CHAT: variants seen among roughly 807,000 people sequenced by gnomAD.
CHAT encodes the protein choline O-acetyltransferase, also known as acetyl CoA:choline O-acetyltransferase.
In CHAT, 61 loss-of-function variants were observed where a neutral mutation model predicts 76.9. That is an observed-to-expected ratio of 0.79 (90% CI 0.65 to 0.98). The LOEUF (loss-of-function observed/expected upper bound fraction) is 0.98, where lower values mean the gene tolerates loss of function less well. CHAT is among the 50% of genes least tolerant of loss of function. The pLI is 0.00. For missense variants in CHAT, 946 were observed against 986.9 expected (o/e 0.96, Z 0.56); for synonymous variants, 407 against 397.4 (o/e 1.02, Z -0.29).
intron 13 of CHAT, among the ~76,000 whole-genome samples, chr10:49,657,803 G>C (rs1025838214): frequency 3.9e-5 from 6 of 152,160 alleles, no homozygotes; most frequent in African/African-American, 1.4e-4. Flanking sequence ...AGAAACTGAT[G>C]GTTGGGGCCC....
In CHAT at chr10:49,667,680, T is replaced by C. The variant is rs1396486163; in HGVS notation, c.*2634T>C. Among the ~76,000 whole-genome samples the C allele has an allele frequency of 6.6e-6, 1 of 152,230 alleles. No individual in the cohort carries two copies. Among genetic ancestry groups the C allele is most frequent in the African/African-American group, 2.4e-5 (1 of 41,466 alleles). On this transcript the variant is annotated 3_prime_UTR_variant, in exon 15 of 15. Coordinates refer to ENST00000337653, the MANE Select transcript of CHAT (RefSeq NM_020549.5). ...AAAACAAGACAGTCATTTGGAACAG[T>C]GATGCATAATAAAATGTATGTGGCC...
Position 49,614,348 on chromosome 10 carries a change from G to A in CHAT, c.159G>A (p.Gly53=), listed in dbSNP as rs1215615318. ...CGGGCGACGTCGGAGGCCCTGCCGG[G>A]AACCCAGGCTGCAGCCCCCACCCCC... ...GDPGDVGGPA[G]NPGCSPHPRA... Residue 53 remains glycine, a synonymous_variant, in exon 1 of 15, where the codon GGG becomes GGA. Transcript: ENST00000337653. 1.3e-6 allele frequency: 2 copies of A among 1,546,494 alleles called. No homozygotes were observed. Among genetic ancestry groups the A allele is most frequent in the East Asian group, 2.4e-5 (1 of 40,828 alleles).
At chr10:49,652,486 C>T (rs1839911854) in intron 11 of CHAT, among the ~76,000 whole-genome samples, 1 of 152,158 alleles carries the variant, frequency 6.6e-6, no homozygotes, top group Non-Finnish European at 1.5e-5. Context: ...CGCACACTGC[C>T]ATATCCGTTC....
chr10:49,664,875 C>T lies in CHAT; in HGVS notation c.2076C>T (p.Cys692=), dbSNP rs747791343. ...CCCAGCCAGAGACCATCCTTTTCTG[C>T]ATCTCTAGCTTTCACAGCTGCAAAG... ...YNPQPETILF[C]ISSFHSCKET... The change falls in exon 15 of 15, where the codon TGC becomes TGT. Residue 692 remains cysteine, a synonymous_variant. Transcript: ENST00000337653. 5.0e-6 allele frequency: 8 copies of T among 1,614,104 alleles called. No homozygotes were observed. In the South Asian group the frequency reaches 6.6e-5, roughly 13 times the overall value.
intron 6 of CHAT, 86 bp from the exon 7 acceptor site, chr10:49,627,522 C>A: frequency 7.2e-7 from 1 of 1,382,730 alleles, no homozygotes; most frequent in Non-Finnish European, 1.0e-6. Context: ...AGCATCCCTG[C>A]CCCAAGCTTA....
intron 7 of CHAT, among the ~76,000 whole-genome samples, chr10:49,634,827 A>G (rs1468987855): frequency 2.0e-5 from 3 of 152,124 alleles, no homozygotes; most frequent in Non-Finnish European, 4.4e-5. Context: ...GAGTGGTTAG[A>G]ACCCAGAAGA....
chr10:49,616,980 C>A lies in CHAT; in HGVS notation c.387+378C>A, dbSNP rs116905474. On this transcript the variant is annotated intron_variant, in intron 2 of 14. Coordinates refer to ENST00000337653, the MANE Select transcript of CHAT (RefSeq NM_020549.5). ...CTCCAAGCCCTGCAAGTCCCAGCTC[C>A]AGCTGCTATCACTAGTTCAGCCTTG... is the stretch of plus-strand genomic sequence containing the variant. Among the ~76,000 whole-genome samples, 25 of 152,332 alleles carry A rather than the reference C, an allele frequency of 1.6e-4. No homozygotes were observed. In the East Asian group the frequency reaches 4.4e-3, roughly 27 times the overall value.
rs765583216 is a variant in CHAT, at chr10:49,651,823, C to T, written c.1512-61C>T. The T allele has an allele frequency of 3.9e-5, 60 of 1,551,566 alleles. 1 individual carries two copies. The Middle Eastern group carries it at 1.2e-3, about 30-fold the overall frequency. On this transcript the variant is annotated intron_variant, in intron 10 of 14. Transcript: ENST00000337653. ...ACCAGGCTCTAGAAGCCCGGGGAAA[C>T]CCCAGATGCATGCATACTGTTTTGC...
intron 13 of CHAT, among the ~76,000 whole-genome samples, chr10:49,657,245 AGG>A (rs1193120687): frequency 6.6e-6 from 1 of 152,140 alleles, no homozygotes; most frequent in Admixed American, 6.5e-5. Context: ...CATTCTCCTG[AGG>A]GGACAAGTGC....
At chr10:49,609,629 A>T (rs1164637756), upstream of CHAT, among the ~76,000 whole-genome samples, 4 of 152,258 alleles carry the variant, frequency 2.6e-5, no homozygotes, top group Non-Finnish European at 5.9e-5. Flanking sequence ...CTCAGTCCCC[A>T]CAAGCTCCCG....
At chr10:49,611,950 A>G (rs1304815694), upstream of CHAT, 1 of 1,612,184 alleles carries the variant, frequency 6.2e-7, no homozygotes, top group African/African-American at 1.3e-5. Flanking sequence ...ACTGCTGCCC[A>G]CGCTCGCCTT....
At chr10:49,629,591 G>A (rs1372682945) in intron 7 of CHAT, among the ~76,000 whole-genome samples, 3 of 152,206 alleles carry the variant, frequency 2.0e-5, no homozygotes, top group South Asian at 2.1e-4. Context: ...CCCAAGACAC[G>A]CCCTTCAGGG....
At chr10:49,649,881 T>A (rs1235110442) in intron 10 of CHAT, among the ~76,000 whole-genome samples, 147 of 148,738 alleles carry the variant, frequency 9.9e-4, no homozygotes, top group African/African-American at 2.6e-3. Context: ...TTTTTTTTTT[T>A]TTTTTTTTTT....
chr10:49,620,063 C>A, intron 3 of CHAT, 147 bp downstream of exon 3: 1 of 784,980 alleles, frequency 1.3e-6, no homozygotes, highest in Non-Finnish European at 2.0e-6. Flanking sequence ...TGGGAACAGG[C>A]AGGTGGCATG....
intron 7 of CHAT, among the ~76,000 whole-genome samples, chr10:49,632,824 A>C (rs1336922124): frequency 1.3e-5 from 2 of 152,196 alleles, no homozygotes; most frequent in Non-Finnish European, 1.5e-5. Flanking sequence ...TGAGGGCATG[A>C]GGCCCACAGG....
At chr10:49,646,780 TG>T (rs1458545112) in intron 8 of CHAT, 106 bp downstream of exon 8, 3 of 1,299,626 alleles carry the variant, frequency 2.3e-6, no homozygotes, top group Non-Finnish European at 2.2e-6. Flanking sequence ...TGCTTGTGTC[TG>T]GCAGGCGCAC....
chr10:49,643,894 G>A (rs977550200), intron 7 of CHAT, among the ~76,000 whole-genome samples: 2 of 152,242 alleles, frequency 1.3e-5, no homozygotes. Flanking sequence ...TGATATGGGG[G>A]AGGGGACCAG....
intron 11 of CHAT, 102 bp from the exon 12 acceptor site, chr10:49,654,993 C>G: frequency 8.4e-7 from 1 of 1,194,124 alleles, no homozygotes; most frequent in South Asian, 1.2e-5. Context: ...CAAGTCAAGT[C>G]AGGGCTGTGA....
chr10:49,641,547 C>A (rs1839481090), intron 7 of CHAT, among the ~76,000 whole-genome samples: 1 of 152,110 alleles, frequency 6.6e-6, no homozygotes, highest in Admixed American at 6.5e-5. Flanking sequence ...TTCTCATAGT[C>A]TCTGAGGACT....
Sources: gnomAD v4.1 joint callset for allele counts (sites outside exome capture counted in the v4.1 genomes callset) on GRCh38, gnomAD v4.1.1 for gene constraint, MANE v1.5 for transcripts, NCBI Gene and HGNC (gene_info 2026-07-23, HGNC 2026-07-21) for gene names.